Variants in ZNF528 observed in about 807,000 individuals in gnomAD.
The protein encoded by ZNF528 is zinc finger protein 528.
A neutral mutation model predicts 13.3 loss-of-function variants in ZNF528; 9 were observed. The observed-to-expected ratio is 0.67, with a 90% confidence interval of 0.41 to 1.18. ZNF528 has a LOEUF of 1.18. Among genes scored for constraint, ZNF528 ranks in the 50% most tolerant of loss-of-function variants. The pLI is 0.01. For synonymous variants in ZNF528, 264 were observed against 254.3 expected (o/e 1.04, Z -0.36); for missense variants, 858 against 745.4 (o/e 1.15, Z -1.76).
Position 52,416,605 on chromosome 19 carries a change from A to G in ZNF528, c.1753A>G (p.Ile585Val), listed in dbSNP as rs1474729586. Reference protein sequence around the residue: ...KSHECKECGKIFTQKSSLTNH... With the variant: ...KSHECKECGKVFTQKSSLTNH... ...TCATGAGTGTAAAGAATGTGGCAAG[A>G]TCTTCACTCAGAAGTCTTCCCTCAC... The change falls in exon 7 of 7, where the codon ATC becomes GTC. Residue 585 changes from isoleucine to valine, a missense_variant. Coordinates refer to ENST00000360465, the MANE Select transcript of ZNF528 (RefSeq NM_032423.3). The G allele has an allele frequency of 1.2e-6, 2 of 1,614,176 alleles. No homozygotes were observed. Among genetic ancestry groups the G allele is most frequent in the South Asian group, 2.2e-5 (2 of 91,086 alleles).
intron 6 of ZNF528, chr19:52,414,476 G>T: frequency 1.7e-6 from 1 of 585,664 alleles, no homozygotes; most frequent in South Asian, 2.1e-5. Context: ...GCAGGGGGAG[G>T]GGGTGGTTAT....
At chr19:52,406,168 T>C (rs1183162486) in intron 5 of ZNF528, 135 bp downstream of exon 5, 2 of 1,181,174 alleles carry the variant, frequency 1.7e-6, no homozygotes, top group Non-Finnish European at 2.4e-6. Context: ...AAAAACTGTA[T>C]TACACTTTCT....
In ZNF528 at chr19:52,405,959, A is replaced by T; in HGVS notation, c.68A>T (p.Lys23Ile). ...ATAGAGTTCTCTCAGGAAGAGTGGAAATGCCTGGACCCTGCGCAGAGGACT... is the reference window on the plus strand; with the variant it reads ...ATAGAGTTCTCTCAGGAAGAGTGGATATGCCTGGACCCTGCGCAGAGGACT... ...VAIEFSQEEWKCLDPAQRTLY... is the reference protein window; with the variant it reads ...VAIEFSQEEWICLDPAQRTLY... The change falls in exon 5 of 7, where the codon AAA becomes ATA. Residue 23 changes from lysine (K) to isoleucine (I), a missense_variant. Physicochemically the swap from Lys to Ile is moderately radical, Grantham distance 102. Transcript: ENST00000360465. 6.2e-7 allele frequency: 1 copy of T among 1,612,278 alleles called. No homozygotes were observed. The highest frequency in any genetic ancestry group is 8.5e-7 in the Non-Finnish European group (1 of 1,178,724).
rs750223983 is a variant in ZNF528 at position 52,416,107 on chromosome 19, A to G, written c.1255A>G (p.Ser419Gly). 5.0e-6 allele frequency: 8 copies of G among 1,614,050 alleles called. No homozygotes were observed. The South Asian group carries it at 8.8e-5, about 18-fold the overall frequency. Residue 419 changes from serine to glycine, a missense_variant, in exon 7 of 7, where the codon AGT becomes GGT. By Grantham distance (56) the Ser-to-Gly change is moderately conservative. Transcript: ENST00000360465. The stretch of plus-strand genomic sequence containing the variant: ...ATGCAGTCAGTGTGGCAAGATCTTT[A>G]GTCAGAAATCAGACCTTATACGACA... Reference protein sequence around the residue: ...YGCSQCGKIFSQKSDLIRHRK... With the variant: ...YGCSQCGKIFGQKSDLIRHRK...
chr19:52,403,935 A>T, intron 4 of ZNF528, among the ~76,000 whole-genome samples: 1 of 151,838 alleles, frequency 6.6e-6, no homozygotes. Context: ...ATAATAATGT[A>T]TTATGGGGAC....
chr19:52,403,683 T>G (rs1002339089), intron 4 of ZNF528, among the ~76,000 whole-genome samples: 6 of 116,424 alleles, frequency 5.2e-5, no homozygotes, highest in Admixed American at 8.7e-5. Context: ...AAAAAAAAAG[T>G]CAGTGAGAGA....
chr19:52,416,678 T>A lies in ZNF528; in HGVS notation c.1826T>A (p.Leu609Gln). ...GGAGAGAAACCTTACAAATGCACCC[T>A]GTGCAGTAAGGTCTTCAGTCACAAT... The part of the protein sequence containing the change: ...HIGEKPYKCT[L>Q]CSKVFSHNSD... The change falls in exon 7 of 7, where the codon CTG becomes CAG. Residue 609 changes from leucine to glutamine, a missense_variant. By Grantham distance (113) the Leu-to-Gln change is moderately radical. Coordinates refer to ENST00000360465, the MANE Select transcript of ZNF528 (RefSeq NM_032423.3). 6.2e-7 allele frequency: 1 copy of A among 1,613,118 alleles called. No homozygotes were observed. Among genetic ancestry groups the A allele is most frequent in the South Asian group, 1.1e-5 (1 of 91,080 alleles).
chr19:52,413,076 A>T (rs2058951442), intron 6 of ZNF528: 1 of 152,184 alleles, frequency 6.6e-6, no homozygotes. Context: ...CTCGCAAGAA[A>T]TTGTGCATAG....
At chr19:52,407,162 T>C (rs2058867916) in intron 6 of ZNF528, among the ~76,000 whole-genome samples, 1 of 146,004 alleles carries the variant, frequency 6.8e-6, no homozygotes, top group South Asian at 2.2e-4. Flanking sequence ...CACAGGCTAG[T>C]GTTGAACTCC....
chr19:52,416,253 T>A lies in ZNF528; in HGVS notation c.1401T>A (p.Cys467Ter). The stretch of plus-strand genomic sequence containing the variant: ...ATAGTGGAGAGAAACCTTATGAATG[T>A]AAAGAATGTGGCAAAGTCTTCAGGT... ...LIHSGEKPYE[C>*]KECGKVFRYK... is the part of the protein sequence containing the mutation. Residue 467 changes from cysteine (C) to a stop codon, truncating the protein, a stop_gained, in exon 7 of 7, where the codon TGT becomes TGA. Transcript: ENST00000360465. LOFTEE classifies it low-confidence loss of function (END_TRUNC). 4 of 1,614,050 alleles carry A rather than the reference T, an allele frequency of 2.5e-6. No individual in the cohort carries two copies. Among genetic ancestry groups the A allele is most frequent in the Non-Finnish European group, 3.4e-6 (4 of 1,179,964 alleles).
At chr19:52,409,360 C>T (rs113966400) in intron 6 of ZNF528, among the ~76,000 whole-genome samples, 9 of 151,336 alleles carry the variant, frequency 5.9e-5, no homozygotes, top group African/African-American at 2.2e-4. Context: ...AGTGCAGTGC[C>T]ATGCATGATA....
chr19:52,416,031 G>GT lies in ZNF528; in HGVS notation c.1180dup (p.Cys394LeufsTer12). The GT allele has an allele frequency of 1.9e-6, 3 of 1,614,106 alleles. No individual in the cohort carries two copies. The highest frequency in any genetic ancestry group is 1.7e-6 in the Non-Finnish European group (2 of 1,180,040). ...AATGTGACAAGGTCTTTGGGCGCAA[G>GT]TGTTTCCTGACCTCTCATCAGAGAA... On this transcript the variant is annotated frameshift_variant, in exon 7 of 7. Transcript: ENST00000360465. LOFTEE classifies it low-confidence loss of function (END_TRUNC).
chr19:52,415,653 G>A lies in ZNF528; in HGVS notation c.801G>A (p.Lys267=), dbSNP rs1424862730. 2 of 1,614,012 alleles carry A rather than the reference G, an allele frequency of 1.2e-6. No homozygotes were observed. The highest frequency in any genetic ancestry group is 4.5e-5 in the East Asian group (2 of 44,864). ...ATCAAAGAATTCATACTGGAGAGAA[G>A]CCTTACAAATGTCATGAATGTGACA... The part of the protein sequence containing the change: ...SQHQRIHTGE[K]PYKCHECDKV... The change falls in exon 7 of 7, where the codon AAG becomes AAA. Residue 267 remains lysine, a synonymous_variant. Coordinates refer to ENST00000360465, the MANE Select transcript of ZNF528 (RefSeq NM_032423.3).
Position 52,416,621 on chromosome 19 carries a change from C to A in ZNF528, c.1769C>A (p.Ser590Tyr). 6.2e-7 allele frequency: 1 copy of A among 1,614,202 alleles called. No homozygotes were observed. Among genetic ancestry groups the A allele is most frequent in the South Asian group, 1.1e-5 (1 of 91,080 alleles). The change falls in exon 7 of 7, where the codon TCT becomes TAT. Residue 590 changes from serine to tyrosine, a missense_variant. Coordinates refer to ENST00000360465, the MANE Select transcript of ZNF528 (RefSeq NM_032423.3). ...KECGKIFTQK[S>Y]SLTNHHRIHI... ...TGTGGCAAGATCTTCACTCAGAAGT[C>A]TTCCCTCACCAATCACCATAGAATT...
chr19:52,411,652 GAA>G (rs2122572255), intron 6 of ZNF528: 1 of 152,310 alleles, frequency 6.6e-6, no homozygotes, highest in East Asian at 1.9e-4. Flanking sequence ...GGGCAGAGGA[GAA>G]ATATGAATGA....
At chr19:52,398,848 A>G (rs2058758941) in intron 2 of ZNF528, among the ~76,000 whole-genome samples, 1 of 151,986 alleles carries the variant, frequency 6.6e-6, no homozygotes, top group Non-Finnish European at 1.5e-5. Context: ...TCACAAGGAG[A>G]ACAGGGAGAA....
chr19:52,407,449 G>T (rs1328162596), intron 6 of ZNF528, among the ~76,000 whole-genome samples: 2 of 151,952 alleles, frequency 1.3e-5, no homozygotes, highest in Admixed American at 1.3e-4. Flanking sequence ...AAGGTGTGTT[G>T]TTTAATTGGC....
chr19:52,405,539 GA>G (rs756394353), intron 4 of ZNF528, among the ~76,000 whole-genome samples: 1 of 151,740 alleles, frequency 6.6e-6, no homozygotes, highest in Non-Finnish European at 1.5e-5. Flanking sequence ...TCAAAAAAAA[GA>G]AAAAAACACT....
chr19:52,407,899 G>C (rs1383042383), intron 6 of ZNF528, among the ~76,000 whole-genome samples: 2 of 151,740 alleles, frequency 1.3e-5, no homozygotes, highest in African/African-American at 4.8e-5. Context: ...TTTTAGTAGA[G>C]ATGGGATTTT....
Sources: gnomAD v4.1 joint callset for allele counts (sites outside exome capture counted in the v4.1 genomes callset) on GRCh38, gnomAD v4.1.1 for gene constraint, MANE v1.5 for transcripts, NCBI Gene and HGNC (gene_info 2026-07-23, HGNC 2026-07-21) for gene names.